OPA1: variants seen among roughly 807,000 people sequenced by gnomAD.
The protein encoded by OPA1 is OPA1 mitochondrial dynamin like GTPase.
A neutral mutation model predicts 152.9 loss-of-function variants in OPA1; 59 were observed. The ratio of observed to expected loss-of-function variants is 0.39; its 90% CI spans 0.31 to 0.48. The LOEUF is 0.48. Among genes scored for constraint, OPA1 ranks in the 20% least tolerant of loss-of-function variants. The pLI is 0.96. For missense variants in OPA1, 1,008 were observed against 1,216.8 expected, an observed-to-expected ratio of 0.83 and a Z score of 2.55; for synonymous variants, 400 against 389.9, an observed-to-expected ratio of 1.03 and a Z score of -0.31.
chr3:193,643,843 T>C, intron 15 of OPA1, 132 bp from the exon 16 acceptor site: 1 of 1,065,230 alleles, frequency 9.4e-7, no homozygotes, highest in Non-Finnish European at 1.4e-6. Context: ...AGGATTTCTT[T>C]TTAGTAAATA....
intron 29 of OPA1, among the ~76,000 whole-genome samples, chr3:193,674,444 T>TA (rs1325338960): frequency 1.3e-5 from 2 of 152,218 alleles, no homozygotes; most frequent in Non-Finnish European, 2.9e-5. Flanking sequence ...ATTATGGTAC[T>TA]AAAAGGGAGC....
intron 7 of OPA1, among the ~76,000 whole-genome samples, chr3:193,631,321 T>C (rs894857437): frequency 1.3e-5 from 2 of 149,688 alleles, no homozygotes; most frequent in African/African-American, 2.5e-5. Context: ...CCATATGTGT[T>C]GATCTCTTGT....
intron 7 of OPA1, among the ~76,000 whole-genome samples, chr3:193,628,960 C>G (rs937573428): frequency 2.6e-5 from 4 of 152,120 alleles, no homozygotes; most frequent in Non-Finnish European, 4.4e-5. Context: ...GTTGCTTAGG[C>G]TAGAGTGCAG....
At chr3:193,643,859 A>C in intron 15 of OPA1, 116 bp from the exon 16 acceptor site, 1 of 1,140,854 alleles carries the variant, frequency 8.8e-7, no homozygotes, top group East Asian at 2.5e-5. Context: ...AAATAACGTA[A>C]ATGTATTAAA....
chr3:193,637,184 A>C lies in OPA1; in HGVS notation c.949-11A>C, dbSNP rs376681712. 256 of 1,522,528 alleles carry C rather than the reference A, an allele frequency of 1.7e-4. 1 individual carries two copies. The African/African-American group carries it at 3.1e-3, about 18-fold the overall frequency. 94.3% of individuals were successfully genotyped at this position (1,522,528 alleles called of 1,614,324 possible). On this transcript the variant is annotated splice_polypyrimidine_tract_variant and intron_variant, in intron 9 of 30. Transcript: ENST00000361510. ...ACTGTTTTATATTATAACTTTTTAA[A>C]ATTTTTACAGAAATCTTTGATTGAC...
At position 193,666,006 on chromosome 3, in the gene OPA1, A is replaced by G. The variant is rs149979555; in HGVS notation, c.2779-290A>G. On this transcript the variant is annotated intron_variant, in intron 27 of 30. Transcript: ENST00000361510. ...TGGAGGGTATATGCTGTGAATTTCA[A>G]CTTACATACAATGTAATGTAATTTG... Among the ~76,000 whole-genome samples, 691 of 152,328 alleles carry G rather than the reference A, an allele frequency of 4.5e-3. 4 individuals carry two copies. The highest frequency in any genetic ancestry group is 0.016 in the African/African-American group (659 of 41,580).
intron 29 of OPA1, among the ~76,000 whole-genome samples, chr3:193,677,472 G>C (rs1020390034): frequency 2.0e-5 from 3 of 151,750 alleles, no homozygotes; most frequent in Non-Finnish European, 2.9e-5. Context: ...TTGCATATTT[G>C]ATAGAAAAAG....
chr3:193,639,485 C>CT (rs919123078), intron 11 of OPA1, among the ~76,000 whole-genome samples: 1 of 152,176 alleles, frequency 6.6e-6, no homozygotes, highest in African/African-American at 2.4e-5. Flanking sequence ...AGGAGAATAG[C>CT]TGATGCAAAG....
rs898870232 is a variant in OPA1, at chr3:193,681,541, CA to C, written c.2984-10521del. Among the ~76,000 whole-genome samples the C allele has an allele frequency of 5.3e-5, 8 of 152,180 alleles. No homozygotes were observed. In the South Asian group the frequency reaches 8.3e-4, roughly 16 times the overall value. On this transcript the variant is annotated intron_variant, in intron 29 of 30. Transcript: ENST00000361510. ...CATGCTCAAGGGTTCTACGTACAGG[CA>C]GACCTCATTGTATTGCATGTCACTT...
chr3:193,668,376 A>G, intron 29 of OPA1: 1 of 1,550,914 alleles, frequency 6.4e-7, no homozygotes, highest in Non-Finnish European at 8.7e-7. Context: ...ATGGCGCCGC[A>G]CCCAGCATTG....
chr3:193,682,289 A>T (rs1225824059), intron 29 of OPA1, among the ~76,000 whole-genome samples: 1 of 152,194 alleles, frequency 6.6e-6, no homozygotes, highest in Non-Finnish European at 1.5e-5. Flanking sequence ...TGCAGAATAA[A>T]ATTTGAAGCT....
chr3:193,652,670 A>G lies in OPA1; in HGVS notation c.2013-2192A>G, dbSNP rs542488440. On this transcript the variant is annotated intron_variant, in intron 21 of 30. Transcript: ENST00000361510. ...TTCCTTAAGGAAAGGTTTGGAGGTA[A>G]GAATAGGGAAAGAGAATGAGAGTGT... Among the ~76,000 whole-genome samples the G allele has an allele frequency of 6.6e-5, 10 of 152,264 alleles. No individual in the cohort carries two copies. In the South Asian group the frequency reaches 2.1e-3, roughly 32 times the overall value.
At position 193,697,557 on chromosome 3, in the gene OPA1, T is replaced by C. The variant is rs1722355727; in HGVS notation, c.*2957T>C. ...AATTCTATTATTGGAGAGCATCTTT[T>C]AAATTTTTTTCTGTTTTAACGAGGG... On this transcript the variant is annotated 3_prime_UTR_variant, in exon 31 of 31. Transcript: ENST00000361510. 1 of 152,228 alleles carries C rather than the reference T, an allele frequency of 6.6e-6. No homozygotes were observed. The allele number at this position is 152,228 out of a possible 1,614,324, so 9.4% of individuals were successfully genotyped here. A position where few individuals can be genotyped will look rare whatever the true frequency, so the allele number is the denominator to read the frequency against.
At position 193,642,794 on chromosome 3, in the gene OPA1, G is replaced by C; in HGVS notation, c.1179G>C (p.Val393=). 1 of 1,613,410 alleles carries C rather than the reference G, an allele frequency of 6.2e-7. No homozygotes were observed. Among genetic ancestry groups the C allele is most frequent in the Non-Finnish European group, 8.5e-7 (1 of 1,179,522 alleles). Residue 393 remains valine, a synonymous_variant, in exon 12 of 31, where the codon GTG becomes GTC. Transcript: ENST00000361510. ...KVTLSEGPHH[V]ALFKDSSREF... ...CTCTGAGTGAAGGTCCTCACCATGT[G>C]GCCCTATTTAAAGATAGTTCTCGGG...
chr3:193,654,735 A>G (rs957954051), intron 21 of OPA1, 127 bp from the exon 22 acceptor site: 1 of 934,842 alleles, frequency 1.1e-6, no homozygotes, highest in Non-Finnish European at 1.7e-6. Context: ...AGGTATATAC[A>G]CATGTGAAAA....
intron 11 of OPA1, among the ~76,000 whole-genome samples, chr3:193,641,221 G>A (rs1191701885): frequency 6.6e-6 from 1 of 152,122 alleles, no homozygotes; most frequent in East Asian, 1.9e-4. Context: ...TGGCAGGCAG[G>A]GTGTGGACAG....
chr3:193,619,280 A>G (rs1161915963), intron 6 of OPA1, among the ~76,000 whole-genome samples: 1 of 152,084 alleles, frequency 6.6e-6, no homozygotes, highest in Non-Finnish European at 1.5e-5. Flanking sequence ...ACTGTAATAT[A>G]CTCATGCGCA....
In OPA1 at chr3:193,643,412, A is replaced by G. The variant is rs773887827; in HGVS notation, c.1345A>G (p.Met449Val). ...TGTAAAAGGCCCTGGACTACAGAGG[A>G]TGGTGCTTGTTGACTTACCAGGTGT... ...LNVKGPGLQRMVLVDLPGVIN... is the reference protein window; with the variant it reads ...LNVKGPGLQRVVLVDLPGVIN... Residue 449 changes from methionine to valine, a missense_variant, in exon 14 of 31, where the codon ATG (methionine) becomes GTG (valine). By Grantham distance (21) the Met-to-Val change is conservative. Coordinates refer to ENST00000361510, the MANE Select transcript of OPA1 (RefSeq NM_130837.3). 8.1e-6 allele frequency: 13 copies of G among 1,612,056 alleles called. No individual in the cohort carries two copies. The highest frequency in any genetic ancestry group is 2.7e-5 in the African/African-American group (2 of 74,874).
chr3:193,624,630 TAA>T (rs1473406624), intron 6 of OPA1, among the ~76,000 whole-genome samples: 1 of 152,172 alleles, frequency 6.6e-6, no homozygotes, highest in African/African-American at 2.4e-5. Flanking sequence ...CTGATTTATT[TAA>T]AGACATGTCT....
Sources: gnomAD v4.1 joint callset for allele counts (sites outside exome capture counted in the v4.1 genomes callset) on GRCh38, gnomAD v4.1.1 for gene constraint, MANE v1.5 for transcripts, NCBI Gene and HGNC (gene_info 2026-07-23, HGNC 2026-07-21) for gene names.